ASPG: variants seen among roughly 807,000 people sequenced by gnomAD.
ASPG encodes asparaginase.
ASPG carries 53 observed loss-of-function variants against 63.2 expected under a neutral mutation model. The observed-to-expected ratio is 0.84, with a 90% CI of 0.67 to 1.05. The LOEUF (loss-of-function observed/expected upper bound fraction) is 1.05, where lower values mean the gene tolerates loss of function less well. Ranked by LOEUF, ASPG falls within the 50% of genes least tolerant of loss-of-function variation. The probability of loss-of-function intolerance (pLI) is 0.00; values close to 1 mark genes in which losing one functional copy is unlikely to be tolerated. For missense variants in ASPG, 741 were observed against 794.4 expected (o/e 0.93, Z 0.81); for synonymous variants, 370 against 355.0 (o/e 1.04, Z -0.48).
Position 104,109,917 on chromosome 14 carries a change from GT to G in ASPG, c.1520+604del. 1.0e-6 allele frequency: 1 copy of G among 980,502 alleles called. No homozygotes were observed. The highest frequency in any genetic ancestry group is 1.2e-6 in the Non-Finnish European group (1 of 825,494). The allele number at this position is 980,502 out of a possible 1,614,324, so 60.7% of individuals were successfully genotyped here. ...GGCTCAGGCCTTCTGACATCATGTTGTTGTTGGGGAGACTGAGGCGCAGGGA... is the reference window on the plus strand; with the variant it reads ...GGCTCAGGCCTTCTGACATCATGTTGTGTTGGGGAGACTGAGGCGCAGGGA... On this transcript the variant is annotated intron_variant, in intron 13 of 15. Coordinates refer to ENST00000551177, the MANE Select transcript of ASPG (RefSeq NM_001080464.3). The surrounding 1 kb of genome is among the most constrained non-coding windows in gnomAD (Gnocchi z 4.8).
intron 7 of ASPG, among the ~76,000 whole-genome samples, 166 bp downstream of exon 7, chr14:104,103,841 C>T (rs2036993591): frequency 6.6e-6 from 1 of 152,238 alleles, no homozygotes; most frequent in Non-Finnish European, 1.5e-5. Flanking sequence ...GTCCCCTGTC[C>T]TCCGTCGTGG....
In ASPG at chr14:104,109,267, C is replaced by G; in HGVS notation, c.1472C>G (p.Ala491Gly). ...GVIGLLREAGASLSTQELEEA... is the reference protein window; with the variant it reads ...GVIGLLREAGGSLSTQELEEA... ...ATTGGGTTGCTGCGGGAAGCCGGGG[C>G]CTCCCTGTCCACCCAGGAGCTGGAG... is the stretch of plus-strand genomic sequence containing the variant. Residue 491 changes from alanine (A) to glycine (G), a missense_variant, in exon 13 of 16, where the codon GCC (alanine) becomes GGC (glycine). Ala to Gly is a moderately conservative substitution (Grantham distance 60). Coordinates refer to ENST00000551177, the MANE Select transcript of ASPG (RefSeq NM_001080464.3). The surrounding 1 kb of genome is among the most constrained non-coding windows in gnomAD (Gnocchi z 4.8). 6.2e-7 allele frequency: 1 copy of G among 1,613,114 alleles called. No homozygotes were observed. Among genetic ancestry groups the G allele is most frequent in the Non-Finnish European group, 8.5e-7 (1 of 1,179,738 alleles).
At chr14:104,111,805 G>A in intron 14 of ASPG, 115 bp from the exon 15 acceptor site, 1 of 1,102,878 alleles carries the variant, frequency 9.1e-7, no homozygotes, top group South Asian at 1.5e-5. Context: ...AGGAGCTGCT[G>A]GGGCCCTGTG....
chr14:104,086,087 C>T (rs1381171001), intron 1 of ASPG, among the ~76,000 whole-genome samples: 1 of 152,164 alleles, frequency 6.6e-6, no homozygotes, highest in Non-Finnish European at 1.5e-5. Flanking sequence ...CGGGAGCGCC[C>T]TGCGACCCTG....
rs1184214896 is a variant in ASPG, at chr14:104,109,659, G to A, written c.1520+344G>A. Among the ~76,000 whole-genome samples the A allele has an allele frequency of 1.3e-5, 2 of 151,614 alleles. No individual in the cohort carries two copies. The highest frequency in any genetic ancestry group is 4.9e-5 in the African/African-American group (2 of 41,236). On this transcript the variant is annotated intron_variant, in intron 13 of 15. Transcript: ENST00000551177. This position sits in a 1 kb window ranked among gnomAD's most constrained non-coding sequence, Gnocchi z 4.8. ...GGAATTGGTTGTCGGGTGTGAGAGGGGCTGGGGTGTGGACTGGGGGGTGGC... is the reference window on the plus strand; with the variant it reads ...GGAATTGGTTGTCGGGTGTGAGAGGAGCTGGGGTGTGGACTGGGGGGTGGC...
chr14:104,104,115 G>C lies in ASPG; in HGVS notation c.754-189G>C, dbSNP rs374650626. 3.2e-4 allele frequency among the ~76,000 whole-genome samples: 49 copies of C among 152,342 alleles called. No homozygotes were observed. The East Asian group carries it at 8.3e-3, about 26-fold the overall frequency. ...ACAGGGCGACCCTTTGGGAGAATGT[G>C]GGGGGAGCAGCCCCCTCCAGGTGCC... On this transcript the variant is annotated intron_variant, in intron 7 of 15. Coordinates refer to ENST00000551177, the MANE Select transcript of ASPG (RefSeq NM_001080464.3).
At position 104,109,591 on chromosome 14, in the gene ASPG, T is replaced by A. The variant is rs973651579; in HGVS notation, c.1520+276T>A. On this transcript the variant is annotated intron_variant, in intron 13 of 15. Transcript: ENST00000551177. The surrounding 1 kb of genome is among the most constrained non-coding windows in gnomAD (Gnocchi z 4.8). ...GTGTGCATGTGTGTATGCATGTGTG[T>A]GGGTGCATGTGTGTGTGTGTGGTGG... Among the ~76,000 whole-genome samples the A allele has an allele frequency of 1.4e-5, 2 of 140,792 alleles. No individual in the cohort carries two copies. The highest frequency in any genetic ancestry group is 5.4e-5 in the African/African-American group (2 of 36,742). 92.4% of individuals were successfully genotyped at this position (140,792 alleles called of 152,430 possible).
rs1055852249 is a variant in ASPG at position 104,110,809 on chromosome 14, C to T, written c.1521-693C>T. 3.0e-6 allele frequency: 3 copies of T among 985,122 alleles called. No homozygotes were observed. The highest frequency in any genetic ancestry group is 2.4e-6 in the Non-Finnish European group (2 of 829,754). The allele number at this position is 985,122 out of a possible 1,614,324, so 61.0% of individuals were successfully genotyped here. A position where few individuals can be genotyped will look rare whatever the true frequency, so the allele number is the denominator to read the frequency against. Reference sequence around the variant, plus strand: ...CTTCCCTGCCGGGTCCCCACCTGGCCTGCTCCTGGCCTCCCCAGGTGGCGA... The same window carrying T: ...CTTCCCTGCCGGGTCCCCACCTGGCTTGCTCCTGGCCTCCCCAGGTGGCGA... On this transcript the variant is annotated intron_variant, in intron 13 of 15. Coordinates refer to ENST00000551177, the MANE Select transcript of ASPG (RefSeq NM_001080464.3). This position sits in a 1 kb window ranked among gnomAD's most constrained non-coding sequence, Gnocchi z 4.7.
chr14:104,107,229 C>T lies in ASPG; in HGVS notation c.1317C>T (p.His439=), dbSNP rs373207152. The part of the protein sequence containing the change: ...LVDFNGQTPL[H]AAARGGHTEA... ...ACTTTAACGGCCAAACCCCACTGCA[C>T]GCGGCCGCCCGGGGAGGCCACACAG... is the stretch of plus-strand genomic sequence containing the variant. Residue 439 remains histidine, a synonymous_variant, in exon 12 of 16, where the codon CAC becomes CAT. Transcript: ENST00000551177. The T allele has an allele frequency of 1.1e-5, 18 of 1,603,908 alleles. No homozygotes were observed. The highest frequency in any genetic ancestry group is 4.4e-5 in the South Asian group (4 of 90,012).
rs1055476446 is a variant in ASPG at position 104,110,566 on chromosome 14, G to A, written c.1521-936G>A. 4.1e-6 allele frequency: 4 copies of A among 985,176 alleles called. No individual in the cohort carries two copies. The highest frequency in any genetic ancestry group is 3.5e-5 in the African/African-American group (2 of 57,202). 61.0% of individuals were successfully genotyped at this position (985,176 alleles called of 1,614,324 possible). A position where few individuals can be genotyped will look rare whatever the true frequency, so the allele number is the denominator to read the frequency against. Reference sequence around the variant, plus strand: ...GCCCCTCGGCTAGGCCTTCCTAGGGGCCGGTGTGTGTGTGGGGCTTGGCCT... The same window carrying A: ...GCCCCTCGGCTAGGCCTTCCTAGGGACCGGTGTGTGTGTGGGGCTTGGCCT... On this transcript the variant is annotated intron_variant, in intron 13 of 15. Transcript: ENST00000551177. The surrounding 1 kb of genome is among the most constrained non-coding windows in gnomAD (Gnocchi z 4.7).
intron 10 of ASPG, 122 bp from the exon 11 acceptor site, chr14:104,106,677 C>A: frequency 1.1e-6 from 1 of 877,766 alleles, no homozygotes; most frequent in African/African-American, 1.7e-5. Flanking sequence ...TTCTCACCCA[C>A]GCCCTGGGAT....
intron 2 of ASPG, chr14:104,093,040 GCCAGCTGGC>G (rs1482164322): frequency 6.1e-6 from 3 of 491,182 alleles, no homozygotes; most frequent in Non-Finnish European, 1.1e-5. Context: ...TATATCAGGA[GCCAGCTGGC>G]CCAGGTGGCC....
chr14:104,103,118 G>C (rs891833200), intron 6 of ASPG, among the ~76,000 whole-genome samples: 2 of 152,264 alleles, frequency 1.3e-5, no homozygotes, highest in African/African-American at 4.8e-5. Flanking sequence ...GTAACCCAGC[G>C]CAGTGACTGC....
At chr14:104,111,221 A>T (rs1484434248) in intron 13 of ASPG, 5 of 968,848 alleles carry the variant, frequency 5.2e-6, no homozygotes, top group Non-Finnish European at 6.1e-6. Flanking sequence ...CTGTGTGTGT[A>T]CATGTATGCT....
At position 104,103,634 on chromosome 14, in the gene ASPG, G is replaced by A. The variant is rs2036981124; in HGVS notation, c.712G>A (p.Val238Met). The A allele has an allele frequency of 3.9e-6, 6 of 1,547,972 alleles. No homozygotes were observed. Among genetic ancestry groups the A allele is most frequent in the Admixed American group, 3.9e-5 (2 of 50,974 alleles). ...LVVHSSMEQD[V>M]GLLRLYPGIP... ...GGTGCACAGCAGCATGGAGCAGGACGTGGGCCTGCTGCGCCTCTACCCTGG... is the reference window on the plus strand; with the variant it reads ...GGTGCACAGCAGCATGGAGCAGGACATGGGCCTGCTGCGCCTCTACCCTGG... The change falls in exon 7 of 16, where the codon GTG (valine) becomes ATG (methionine). Residue 238 changes from valine (V) to methionine (M), a missense_variant. Physicochemically the swap from Val to Met is conservative, Grantham distance 21 (BLOSUM62 1). Coordinates refer to ENST00000551177, the MANE Select transcript of ASPG (RefSeq NM_001080464.3).
chr14:104,103,699 G>A lies in ASPG; in HGVS notation c.753+24G>A, dbSNP rs114672174. On this transcript the variant is annotated intron_variant, in intron 7 of 15. Transcript: ENST00000551177. Reference sequence around the variant, plus strand: ...TGGTAGGGACCGCCCCGGCCATCCTGCCCCTGCAGCCCTGAGCCCCAGCCC... The same window carrying A: ...TGGTAGGGACCGCCCCGGCCATCCTACCCCTGCAGCCCTGAGCCCCAGCCC... The A allele has an allele frequency of 9.6e-5, 148 of 1,535,968 alleles. No individual in the cohort carries two copies. The African/African-American group carries it at 1.8e-3, about 18-fold the overall frequency.
At chr14:104,107,532 GTT>G in intron 12 of ASPG, among the ~76,000 whole-genome samples, 187 bp downstream of exon 12, 1 of 152,294 alleles carries the variant, frequency 6.6e-6, no homozygotes, top group South Asian at 2.1e-4. Flanking sequence ...AAACAAAAAT[GTT>G]GTGGACAAAG....
intron 3 of ASPG, among the ~76,000 whole-genome samples, chr14:104,093,806 G>A (rs2036471443): frequency 6.8e-6 from 1 of 147,958 alleles, no homozygotes; most frequent in East Asian, 2.0e-4. Flanking sequence ...GTGGGGCTGT[G>A]GAGAGTGGGT....
intron 6 of ASPG, 117 bp from the exon 7 acceptor site, chr14:104,103,446 G>A (rs1373153306): frequency 3.4e-6 from 3 of 872,630 alleles, no homozygotes; most frequent in Non-Finnish European, 5.3e-6. Context: ...GAGCCGCGAA[G>A]GCTCAGGGCT....
Sources: gnomAD v4.1 joint callset for allele counts (sites outside exome capture counted in the v4.1 genomes callset) on GRCh38, gnomAD v4.1.1 for gene constraint, Gnocchi (gnomAD v3.1) non-coding constraint, MANE v1.5 for transcripts, NCBI Gene and HGNC (gene_info 2026-07-23, HGNC 2026-07-21) for gene names.